ZNF644: variants seen among roughly 807,000 people sequenced by gnomAD.
ZNF644 encodes the protein zinc finger protein 644.
ZNF644 carries 20 observed loss-of-function variants against 108.0 expected under a neutral mutation model. The observed-to-expected ratio is 0.19, with a 90% CI of 0.13 to 0.27. The LOEUF is 0.27. Among genes scored for constraint, ZNF644 ranks in the 10% least tolerant of loss-of-function variants. ZNF644 has a pLI of 1.00. For synonymous variants in ZNF644, 542 were observed against 539.1 expected, an observed-to-expected ratio of 1.01 and a Z score of -0.08; for missense variants, 1,338 against 1,548.9, an observed-to-expected ratio of 0.86 and a Z score of 2.29.
At chr1:90,921,427 CA>C (rs1649427985) in intron 4 of ZNF644, among the ~76,000 whole-genome samples, 1 of 151,654 alleles carries the variant, frequency 6.6e-6, no homozygotes, top group African/African-American at 2.4e-5. Flanking sequence ...AACTTAAAAA[CA>C]AAAAACCCAC....
chr1:90,931,635 T>A (rs1467854020), intron 4 of ZNF644, among the ~76,000 whole-genome samples: 1 of 152,182 alleles, frequency 6.6e-6, no homozygotes, highest in African/African-American at 2.4e-5. Context: ...AAAACTTTAA[T>A]CTGTGAAATT....
At chr1:91,017,389 G>A (rs1234175308) in intron 1 of ZNF644, among the ~76,000 whole-genome samples, 2 of 152,190 alleles carry the variant, frequency 1.3e-5, no homozygotes, top group South Asian at 2.1e-4. Flanking sequence ...ATTAGTAGGA[G>A]AGGGGAAAGA....
intron 2 of ZNF644, among the ~76,000 whole-genome samples, chr1:90,950,753 G>C (rs1208110086): frequency 6.6e-6 from 1 of 152,164 alleles, no homozygotes; most frequent in African/African-American, 2.4e-5. Context: ...GATCTGAACA[G>C]TGGTCTTCAA....
At chr1:91,007,480 C>T (rs1659570154) in intron 1 of ZNF644, among the ~76,000 whole-genome samples, 1 of 151,938 alleles carries the variant, frequency 6.6e-6, no homozygotes, top group African/African-American at 2.4e-5. Context: ...ACCCAAAGTG[C>T]TGGGATTACA....
intron 4 of ZNF644, among the ~76,000 whole-genome samples, chr1:90,919,740 G>A (rs371407855): frequency 2.0e-5 from 3 of 151,942 alleles, no homozygotes; most frequent in Admixed American, 6.6e-5. Flanking sequence ...CAAGAGCCTC[G>A]CATGTAGTAG....
chr1:91,015,130 C>T (rs1446050922), intron 1 of ZNF644, among the ~76,000 whole-genome samples: 1 of 152,134 alleles, frequency 6.6e-6, no homozygotes, highest in African/African-American at 2.4e-5. Flanking sequence ...CTTACAATTT[C>T]ATACTAGTAC....
intron 4 of ZNF644, among the ~76,000 whole-genome samples, chr1:90,930,646 A>G (rs1044719445): frequency 2.6e-5 from 4 of 152,236 alleles, no homozygotes; most frequent in African/African-American, 4.8e-5. Flanking sequence ...ATTTTTCACA[A>G]CAAAGAATAT....
chr1:90,993,352 A>G (rs1009514151), intron 1 of ZNF644, among the ~76,000 whole-genome samples: 1 of 151,432 alleles, frequency 6.6e-6, no homozygotes, highest in Admixed American at 6.6e-5. Context: ...ATGCCCAAAT[A>G]TATCAGAGAA....
intron 4 of ZNF644, among the ~76,000 whole-genome samples, chr1:90,927,959 T>C (rs1444196641): frequency 6.6e-6 from 1 of 152,014 alleles, no homozygotes; most frequent in Non-Finnish European, 1.5e-5. Context: ...TTCTCCTGCC[T>C]CAGCCTCCTG....
intron 2 of ZNF644, among the ~76,000 whole-genome samples, chr1:90,969,743 A>G (rs1655272337): frequency 6.6e-6 from 1 of 152,128 alleles, no homozygotes; most frequent in South Asian, 2.1e-4. Flanking sequence ...TAAATCTCTC[A>G]TTGTGTCTAA....
At chr1:90,925,315 A>G (rs1395897942) in intron 4 of ZNF644, among the ~76,000 whole-genome samples, 1 of 152,216 alleles carries the variant, frequency 6.6e-6, no homozygotes, top group Non-Finnish European at 1.5e-5. Flanking sequence ...TGTATAGCCA[A>G]TCGATAGCTT....
chr1:91,003,767 A>C (rs1263246662), intron 1 of ZNF644, among the ~76,000 whole-genome samples: 1 of 152,184 alleles, frequency 6.6e-6, no homozygotes, highest in Non-Finnish European at 1.5e-5. Context: ...ACTGTCCCTG[A>C]GGAAACCCAG....
chr1:90,933,390 G>A (rs1020110867), intron 4 of ZNF644, among the ~76,000 whole-genome samples: 5 of 151,962 alleles, frequency 3.3e-5, no homozygotes, highest in East Asian at 1.9e-4. Flanking sequence ...GGCTGGGTGC[G>A]GTGGCTCTCG....
At chr1:90,986,473 A>C (rs1053930739) in intron 1 of ZNF644, among the ~76,000 whole-genome samples, 2 of 152,114 alleles carry the variant, frequency 1.3e-5, no homozygotes, top group Admixed American at 1.3e-4. Context: ...GTCTTTAGTT[A>C]ATAATAATGT....
chr1:90,933,556 C>A (rs1020238765), intron 4 of ZNF644, among the ~76,000 whole-genome samples: 12 of 151,964 alleles, frequency 7.9e-5, no homozygotes, highest in Admixed American at 2.6e-4. Context: ...CCCAGCTACT[C>A]GGGAGGCTGA....
chr1:90,998,707 T>C (rs1658435716), intron 1 of ZNF644, among the ~76,000 whole-genome samples: 2 of 152,174 alleles, frequency 1.3e-5, no homozygotes, highest in South Asian at 2.1e-4. Flanking sequence ...GAGAATGACT[T>C]TGACGAGTTG....
chr1:90,946,200 A>T (rs1011545960), intron 2 of ZNF644, among the ~76,000 whole-genome samples: 9 of 152,108 alleles, frequency 5.9e-5, no homozygotes, highest in Non-Finnish European at 1.3e-4. Context: ...GTACAAACAT[A>T]TATACCTAAA....
intron 2 of ZNF644, among the ~76,000 whole-genome samples, chr1:90,966,107 G>A (rs1028446280): frequency 2.0e-5 from 3 of 152,120 alleles, no homozygotes; most frequent in South Asian, 2.1e-4. Flanking sequence ...ACTATGCTCT[G>A]GTTATTTTGC....
At chr1:90,983,224 G>C (rs976999167) in intron 1 of ZNF644, among the ~76,000 whole-genome samples, 1 of 151,922 alleles carries the variant, frequency 6.6e-6, no homozygotes, top group Non-Finnish European at 1.5e-5. Flanking sequence ...TCTCTGATTT[G>C]TCCTTCCTAG....
Sources: allele counts gnomAD v4.1 joint callset (sites outside exome capture counted in the v4.1 genomes callset), GRCh38; gene constraint gnomAD v4.1.1; transcripts MANE v1.5; gene names NCBI Gene and HGNC (gene_info 2026-07-23, HGNC 2026-07-21).